SUMF1: variants seen among roughly 807,000 people sequenced by gnomAD.
The protein encoded by SUMF1 is sulfatase modifying factor 1, also known as formylglycine-generating enzyme.
A neutral mutation model predicts 47.6 loss-of-function variants in SUMF1; 48 were observed. That is an observed-to-expected ratio of 1.01 (90% CI 0.80 to 1.28). SUMF1 has a LOEUF of 1.28. SUMF1 is among the 50% of genes most tolerant of loss of function. The probability of loss-of-function intolerance (pLI) is 0.00; values close to 1 mark genes in which losing one functional copy is unlikely to be tolerated. For synonymous variants in SUMF1, 230 were observed against 192.1 expected, an observed-to-expected ratio of 1.20 and a Z score of -1.63; for missense variants, 571 against 485.4, an observed-to-expected ratio of 1.18 and a Z score of -1.66.
At position 4,393,889 on chromosome 3, in the gene SUMF1, T is replaced by A. The variant is rs1043808314; in HGVS notation, c.954+16976A>T. 2.6e-5 allele frequency among the ~76,000 whole-genome samples: 4 copies of A among 152,162 alleles called. No individual in the cohort carries two copies. The South Asian group carries it at 8.3e-4, about 32-fold the overall frequency. The stretch of plus-strand genomic sequence containing the variant: ...TGTACTTGTTTTCTGTATTAGTGAA[T>A]CACTTGACCTCTTACATTGCAATTA... On this transcript the variant is annotated intron_variant, in intron 7 of 8. Coordinates refer to ENST00000272902, the MANE Select transcript of SUMF1 (RefSeq NM_182760.4).
At chr3:4,323,505 T>C (rs963717140) in intron 8 of SUMF1, among the ~76,000 whole-genome samples, 1 of 151,996 alleles carries the variant, frequency 6.6e-6, no homozygotes, top group African/African-American at 2.4e-5. Flanking sequence ...AAAAAGCATT[T>C]TAATTAGGTG....
intron 8 of SUMF1, among the ~76,000 whole-genome samples, chr3:4,073,732 G>A (rs1020763633): frequency 6.6e-6 from 1 of 152,054 alleles, no homozygotes; most frequent in Non-Finnish European, 1.5e-5. Context: ...AAGATCAAGA[G>A]AGACTAAGAA....
chr3:4,349,880 C>T lies in SUMF1; in HGVS notation c.1014+26450G>A, dbSNP rs976524498. On this transcript the variant is annotated intron_variant and NMD_transcript_variant, in intron 8 of 12. Transcript: ENST00000448413. ...GGAAGTTGGAGGATGGGTCAATAGG[C>T]GCAGCAAACCAACACGGCACATGTA... Among the ~76,000 whole-genome samples the T allele has an allele frequency of 8.6e-5, 13 of 150,654 alleles. No homozygotes were observed. The South Asian group carries it at 1.3e-3, about 15-fold the overall frequency.
chr3:4,065,589 A>T (rs1222482493), intron 9 of SUMF1, among the ~76,000 whole-genome samples: 1 of 152,112 alleles, frequency 6.6e-6, no homozygotes, highest in African/African-American at 2.4e-5. Flanking sequence ...TATCTCATTT[A>T]TTTATTAAAG....
rs996252168 is a variant in SUMF1 at position 4,049,371 on chromosome 3, C to A, written c.1191+19198G>T. Among the ~76,000 whole-genome samples the A allele has an allele frequency of 1.2e-4, 19 of 152,120 alleles. 1 individual carries two copies. Among genetic ancestry groups the A allele is most frequent in the Admixed American group, 1.1e-3 (17 of 15,266 alleles). ...TACCTTCAAGAAAGTGATGAAATGCCCTCTTACTCCACAGCAGGGAGCTCA... is the reference window on the plus strand; with the variant it reads ...TACCTTCAAGAAAGTGATGAAATGCACTCTTACTCCACAGCAGGGAGCTCA... On this transcript the variant is annotated intron_variant and NMD_transcript_variant, in intron 9 of 12. Coordinates refer to the SUMF1 transcript ENST00000448413.
At chr3:4,065,931 G>A (rs1263093058) in intron 9 of SUMF1, among the ~76,000 whole-genome samples, 1 of 152,052 alleles carries the variant, frequency 6.6e-6, no homozygotes, top group Non-Finnish European at 1.5e-5. Flanking sequence ...AAAAATGAGG[G>A]GAACAGATAC....
chr3:4,400,834 C>T (rs1323504287), intron 7 of SUMF1, among the ~76,000 whole-genome samples: 1 of 152,142 alleles, frequency 6.6e-6, no homozygotes, highest in Non-Finnish European at 1.5e-5. Context: ...TTTTATTATA[C>T]TTTAAGTTCT....
chr3:4,126,212 T>G (rs1229836784), intron 8 of SUMF1, among the ~76,000 whole-genome samples: 1 of 151,282 alleles, frequency 6.6e-6, no homozygotes, highest in African/African-American at 2.4e-5. Context: ...TAAATATAAT[T>G]TGTGCATCCT....
At chr3:4,313,236 CTG>C in intron 8 of SUMF1, 2 of 1,613,922 alleles carry the variant, frequency 1.2e-6, no homozygotes, top group East Asian at 2.2e-5. Context: ...GAAGGTTTGT[CTG>C]TGAATATGCT....
intron 8 of SUMF1, chr3:4,313,869 G>GA (rs776986278): frequency 1.6e-4 from 249 of 1,539,716 alleles, no homozygotes; most frequent in Non-Finnish European, 2.0e-4. Context: ...GAATGTGGCA[G>GA]AGACTGCAAG....
intron 8 of SUMF1, among the ~76,000 whole-genome samples, chr3:4,342,466 A>T (rs1699291713): frequency 6.6e-6 from 1 of 152,180 alleles, no homozygotes; most frequent in East Asian, 1.9e-4. Context: ...CCAGAAGACA[A>T]AGGTTTCAGT....
intron 8 of SUMF1, among the ~76,000 whole-genome samples, chr3:4,250,557 A>G (rs1335085873): frequency 6.6e-6 from 1 of 152,198 alleles, no homozygotes; most frequent in Non-Finnish European, 1.5e-5. Flanking sequence ...TACTGGAAGT[A>G]GAGGCCATCT....
At chr3:4,253,887 T>C (rs1696873992) in intron 8 of SUMF1, among the ~76,000 whole-genome samples, 1 of 149,982 alleles carries the variant, frequency 6.7e-6, no homozygotes, top group African/African-American at 2.5e-5. Flanking sequence ...AAGAGAGCAG[T>C]GGTTCTCCCA....
At chr3:4,268,223 C>G (rs1240524000) in intron 8 of SUMF1, among the ~76,000 whole-genome samples, 2 of 151,218 alleles carry the variant, frequency 1.3e-5, no homozygotes, top group Non-Finnish European at 2.9e-5. Context: ...ACATCACACT[C>G]TGGGGACTGT....
At chr3:4,269,872 C>G (rs778197238) in intron 8 of SUMF1, among the ~76,000 whole-genome samples, 1 of 152,122 alleles carries the variant, frequency 6.6e-6, no homozygotes, top group Non-Finnish European at 1.5e-5. Flanking sequence ...GTATACAATA[C>G]AAGCTGCTCT....
intron 8 of SUMF1, among the ~76,000 whole-genome samples, chr3:4,212,829 T>G (rs977893747): frequency 6.6e-6 from 1 of 152,004 alleles, no homozygotes; most frequent in Non-Finnish European, 1.5e-5. Context: ...AAGATCAAAT[T>G]AATGAAATAA....
At chr3:4,404,568 A>G (rs1575181088) in intron 7 of SUMF1, among the ~76,000 whole-genome samples, 1 of 152,076 alleles carries the variant, frequency 6.6e-6, no homozygotes, top group South Asian at 2.1e-4. Flanking sequence ...GACCAACCTG[A>G]CCAACATGGC....
chr3:4,215,511 C>T (rs574408884), intron 8 of SUMF1, among the ~76,000 whole-genome samples: 3 of 152,200 alleles, frequency 2.0e-5, no homozygotes, highest in Admixed American at 6.5e-5. Flanking sequence ...CTCTCACCAC[C>T]CCTATTCAAC....
intron 8 of SUMF1, among the ~76,000 whole-genome samples, chr3:4,188,339 T>C (rs2248969): frequency 0.24 from 36,769 of 151,920 alleles, 5,385 homozygotes; most frequent in East Asian, 0.4. Flanking sequence ...TCACTCTTGG[T>C]ATTATACATT....
Sources: gnomAD v4.1 joint callset for allele counts (sites outside exome capture counted in the v4.1 genomes callset) on GRCh38, gnomAD v4.1.1 for gene constraint, MANE v1.5 for transcripts, NCBI Gene and HGNC (gene_info 2026-07-23, HGNC 2026-07-21) for gene names.